NCAM2: variants seen among roughly 807,000 people sequenced by gnomAD.
NCAM2 encodes neural cell adhesion molecule 2.
A neutral mutation model predicts 98.1 loss-of-function variants in NCAM2; 30 were observed. The ratio of observed to expected loss-of-function variants is 0.31; its 90% CI spans 0.23 to 0.41. NCAM2 has a LOEUF of 0.41. Among genes scored for constraint, NCAM2 ranks in the 10% least tolerant of loss-of-function variants. NCAM2 has a pLI of 1.00. For missense variants in NCAM2, 867 were observed against 1,005.8 expected, an observed-to-expected ratio of 0.86 and a Z score of 1.87; for synonymous variants, 368 against 342.4, an observed-to-expected ratio of 1.07 and a Z score of -0.83.
chr21:21,461,160 A>T (rs1224370431), intron 12 of NCAM2, among the ~76,000 whole-genome samples: 1 of 151,906 alleles, frequency 6.6e-6, no homozygotes, highest in Non-Finnish European at 1.5e-5. Flanking sequence ...ACCTTGAAAA[A>T]ACGTCAGTTG....
chr21:21,377,000 T>A (rs2076048497), intron 9 of NCAM2, among the ~76,000 whole-genome samples: 1 of 151,768 alleles, frequency 6.6e-6, no homozygotes, highest in South Asian at 2.1e-4. Flanking sequence ...CATGTAAATA[T>A]AACTACTTTT....
intron 1 of NCAM2, among the ~76,000 whole-genome samples, chr21:21,146,031 A>C (rs2067266506): frequency 6.6e-6 from 1 of 152,206 alleles, no homozygotes; most frequent in Admixed American, 6.5e-5. Flanking sequence ...CTTTTGCAAC[A>C]GAGAAACACG....
At chr21:21,001,696 G>T (rs1047055581) in intron 1 of NCAM2, among the ~76,000 whole-genome samples, 3 of 152,126 alleles carry the variant, frequency 2.0e-5, no homozygotes, top group Non-Finnish European at 2.9e-5. Flanking sequence ...TAAGATAGAA[G>T]CACTGTTATA....
chr21:21,080,141 T>C (rs536647203), intron 1 of NCAM2, among the ~76,000 whole-genome samples: 2 of 152,186 alleles, frequency 1.3e-5, no homozygotes, highest in African/African-American at 4.8e-5. Flanking sequence ...GATGGATATG[T>C]TGATTGCCGT....
intron 1 of NCAM2, among the ~76,000 whole-genome samples, chr21:21,159,757 C>T (rs954604509): frequency 2.6e-4 from 40 of 152,102 alleles, no homozygotes; most frequent in African/African-American, 9.6e-4. Context: ...CTCTCTCTCT[C>T]CCTCTCTCTC....
chr21:21,014,600 T>A (rs564507129), intron 1 of NCAM2, among the ~76,000 whole-genome samples: 1 of 152,316 alleles, frequency 6.6e-6, no homozygotes, highest in South Asian at 2.1e-4. Flanking sequence ...TACTGCTAAT[T>A]GACAATGCCT....
At chr21:21,327,306 C>CAAAAAAAAAAA (rs11384559) in intron 6 of NCAM2, among the ~76,000 whole-genome samples, 925 of 82,124 alleles carry the variant, frequency 0.011, 24 homozygotes, top group East Asian at 0.042. Flanking sequence ...GACTCTGTCT[C>CAAAAAAAAAAA]AAAAAAAAAA....
At chr21:21,233,175 TTGTTTTGTTTTGC>T (rs2070696158) in intron 1 of NCAM2, among the ~76,000 whole-genome samples, 1 of 151,556 alleles carries the variant, frequency 6.6e-6, no homozygotes, top group Non-Finnish European at 1.5e-5. Context: ...TCTTCTTTCT[TTGTTTTGTTTTGC>T]TTTTAGTTCT....
Position 21,508,984 on chromosome 21 carries a change from G to A in NCAM2, c.2211G>A (p.Arg737=), listed in dbSNP as rs763848397. 11 of 1,613,460 alleles carry A rather than the reference G, an allele frequency of 6.8e-6. No homozygotes were observed. The Admixed American group carries it at 1.3e-4, about 20-fold the overall frequency. Residue 737 remains arginine, a synonymous_variant, in exon 16 of 18, where the codon AGG becomes AGA. Coordinates refer to ENST00000400546, the MANE Select transcript of NCAM2 (RefSeq NM_004540.5). Reference sequence around the variant, plus strand: ...GTGGGTTGCTGATGTGCATCACTAGGAGAATGTGTGGAAAGAAAAGTGGCT... The same window carrying A: ...GTGGGTTGCTGATGTGCATCACTAGAAGAATGTGTGGAAAGAAAAGTGGCT... ...RQCGLLMCIT[R]RMCGKKSGSS...
intron 5 of NCAM2, among the ~76,000 whole-genome samples, chr21:21,320,341 C>T (rs73894610): frequency 9.5e-4 from 144 of 151,286 alleles, no homozygotes; most frequent in Middle Eastern, 3.4e-3. Flanking sequence ...CTTTTTTTTT[C>T]CAAACGAAAT....
intron 12 of NCAM2, among the ~76,000 whole-genome samples, chr21:21,437,501 T>TGTGTGTGTGTGTG (rs1569063376): frequency 2.6e-5 from 4 of 151,738 alleles, no homozygotes; most frequent in Non-Finnish European, 5.9e-5. Flanking sequence ...TGTGTGTGTG[T>TGTGTGTGTGTGTG]TTCTAGCACA....
intron 1 of NCAM2, among the ~76,000 whole-genome samples, chr21:21,064,986 C>A (rs546448520): frequency 5.7e-4 from 86 of 152,086 alleles, no homozygotes; most frequent in African/African-American, 2.0e-3. Context: ...TCAAGAGCAG[C>A]CTGACCAACA....
intron 1 of NCAM2, among the ~76,000 whole-genome samples, chr21:21,224,193 T>G (rs1429297976): frequency 6.6e-6 from 1 of 152,190 alleles, no homozygotes; most frequent in Non-Finnish European, 1.5e-5. Flanking sequence ...TCTTTAAGAC[T>G]TGAAGGTTTT....
chr21:21,033,159 G>A (rs1353589034), intron 1 of NCAM2, among the ~76,000 whole-genome samples: 1 of 152,032 alleles, frequency 6.6e-6, no homozygotes, highest in Non-Finnish European at 1.5e-5. Context: ...CCAGGTGCCA[G>A]GCTGGTGTCA....
At position 21,537,935 on chromosome 21, in the gene NCAM2, A is replaced by G; in HGVS notation, c.2492A>G (p.Lys831Arg). 1 of 1,565,022 alleles carries G rather than the reference A, an allele frequency of 6.4e-7. No homozygotes were observed. The highest frequency in any genetic ancestry group is 8.7e-7 in the Non-Finnish European group (1 of 1,151,840). The stretch of plus-strand genomic sequence containing the variant: ...GTTTCTAACGACATCATTCAATCAA[A>G]AGAAGACGACAGCAAAGCATAACAA... ...IKVSNDIIQS[K>R]EDDSKA Residue 831 changes from lysine (K) to arginine (R), a missense_variant, in exon 18 of 18, where the codon AAA (lysine) becomes AGA (arginine). Coordinates refer to ENST00000400546, the MANE Select transcript of NCAM2 (RefSeq NM_004540.5).
chr21:21,487,115 A>T (rs1287092793), intron 15 of NCAM2, among the ~76,000 whole-genome samples: 1 of 152,184 alleles, frequency 6.6e-6, no homozygotes, highest in Non-Finnish European at 1.5e-5. Flanking sequence ...AAGCTATTGC[A>T]TTCCAATAAA....
intron 1 of NCAM2, among the ~76,000 whole-genome samples, chr21:21,122,259 CTT>C (rs1221157419): frequency 6.6e-6 from 1 of 152,108 alleles, no homozygotes; most frequent in Non-Finnish European, 1.5e-5. Context: ...AATTTAACCT[CTT>C]AATATAATCT....
intron 1 of NCAM2, among the ~76,000 whole-genome samples, chr21:21,125,095 A>G (rs1016202267): frequency 3.3e-5 from 5 of 151,986 alleles, no homozygotes; most frequent in Non-Finnish European, 5.9e-5. Context: ...TCTTATGTCT[A>G]TTGTACATGT....
chr21:21,336,441 G>A (rs1274927980), intron 7 of NCAM2, among the ~76,000 whole-genome samples: 1 of 151,902 alleles, frequency 6.6e-6, no homozygotes, highest in African/African-American at 2.4e-5. Context: ...GGGAGGGATA[G>A]CATTTGGAGA....
Sources: gnomAD v4.1 joint callset for allele counts (sites outside exome capture counted in the v4.1 genomes callset) on GRCh38, gnomAD v4.1.1 for gene constraint, MANE v1.5 for transcripts, NCBI Gene and HGNC (gene_info 2026-07-23, HGNC 2026-07-21) for gene names.